The following TMTC2 variants were observed in gnomAD, a reference collection of about 807,000 sequenced individuals.
The protein encoded by TMTC2 is transmembrane O-mannosyltransferase targeting cadherins 2, also known as protein O-mannosyl-transferase TMTC2.
In TMTC2, 43 loss-of-function variants were observed where a neutral mutation model predicts 82.4. That is an observed-to-expected ratio of 0.52 (90% confidence interval 0.41 to 0.67). The LOEUF (loss-of-function observed/expected upper bound fraction) is 0.67. Among genes scored for constraint, TMTC2 ranks in the 30% least tolerant of loss-of-function variants. The probability of loss-of-function intolerance (pLI) is 0.00; values close to 1 mark genes in which losing one functional copy is unlikely to be tolerated. For missense variants in TMTC2, 919 were observed against 1,012.4 expected, an observed-to-expected ratio of 0.91 and a Z score of 1.25; for synonymous variants, 408 against 381.9, an observed-to-expected ratio of 1.07 and a Z score of -0.80.
chr12:82,991,029 T>G (rs578201141), intron 8 of TMTC2, among the ~76,000 whole-genome samples: 1 of 152,324 alleles, frequency 6.6e-6, no homozygotes, highest in Admixed American at 6.5e-5. Context: ...CTTCAGTGCC[T>G]GTGCTTGACA....
intron 8 of TMTC2, among the ~76,000 whole-genome samples, chr12:83,000,870 TC>T (rs1454771816): frequency 6.6e-6 from 1 of 152,156 alleles, no homozygotes; most frequent in Non-Finnish European, 1.5e-5. Flanking sequence ...ATTCTTGACT[TC>T]CGTGCACCTG....
intron 11 of TMTC2, among the ~76,000 whole-genome samples, chr12:83,116,399 C>G (rs1431442606): frequency 6.6e-6 from 1 of 152,196 alleles, no homozygotes; most frequent in Admixed American, 6.5e-5. Flanking sequence ...TGTAAACATG[C>G]ATGTGCAAGT....
chr12:82,909,275 G>A (rs1874492623), intron 3 of TMTC2, among the ~76,000 whole-genome samples: 1 of 152,116 alleles, frequency 6.6e-6, no homozygotes, highest in African/African-American at 2.4e-5. Flanking sequence ...CAGATCTAGT[G>A]TATGCAAGGT....
chr12:82,749,128 C>T (rs757704632), intron 1 of TMTC2, among the ~76,000 whole-genome samples: 7 of 152,222 alleles, frequency 4.6e-5, no homozygotes, highest in Admixed American at 1.3e-4. Context: ...GCTTATTTCA[C>T]GTCAAATATG....
At chr12:83,045,727 G>GCACACACACACACACACACACACACA (rs71068972) in intron 9 of TMTC2, among the ~76,000 whole-genome samples, 1 of 142,452 alleles carries the variant, frequency 7.0e-6, no homozygotes, top group African/African-American at 2.7e-5. Flanking sequence ...ACACACACAC[G>GCACACACACACACACACACACACACA]CACACACACA....
intron 1 of TMTC2, among the ~76,000 whole-genome samples, chr12:82,835,649 C>G (rs1308063657): frequency 2.0e-5 from 3 of 152,116 alleles, no homozygotes; most frequent in African/African-American, 7.2e-5. Context: ...TCTTTGCAAT[C>G]TGATTTTTAT....
At chr12:82,793,911 CT>C (rs1878582629) in intron 1 of TMTC2, among the ~76,000 whole-genome samples, 1 of 152,174 alleles carries the variant, frequency 6.6e-6, no homozygotes, top group South Asian at 2.1e-4. Flanking sequence ...GGCTTATCTA[CT>C]GTATATGCGA....
At chr12:83,007,104 C>A (rs1796145) in intron 8 of TMTC2, among the ~76,000 whole-genome samples, 118,905 of 151,816 alleles carry the variant, frequency 0.78, 47,609 homozygotes, top group South Asian at 0.93. Flanking sequence ...TAGAAAAAAA[C>A]CCAGAAAATT....
At chr12:83,061,083 T>C (rs755590405) in intron 10 of TMTC2, among the ~76,000 whole-genome samples, 6 of 151,486 alleles carry the variant, frequency 4.0e-5, no homozygotes, top group Non-Finnish European at 7.4e-5. Context: ...ACAGGAAGAG[T>C]CTGGCTAGTA....
At chr12:82,820,549 A>AT (rs1310448595) in intron 1 of TMTC2, among the ~76,000 whole-genome samples, 2 of 151,790 alleles carry the variant, frequency 1.3e-5, no homozygotes, top group Non-Finnish European at 2.9e-5. Flanking sequence ...TAATTTTTGT[A>AT]TTTTTAGTGG....
chr12:82,917,384 A>C (rs1385981237), intron 3 of TMTC2, among the ~76,000 whole-genome samples: 2 of 152,078 alleles, frequency 1.3e-5, no homozygotes, highest in Non-Finnish European at 2.9e-5. Flanking sequence ...TCCAAAGTCC[A>C]AGACTTCCAT....
rs531759632 is a variant in TMTC2, at chr12:82,706,482, G to C, written c.83+18813G>C. 9.9e-5 allele frequency among the ~76,000 whole-genome samples: 15 copies of C among 152,196 alleles called. No individual in the cohort carries two copies. In the East Asian group the frequency reaches 2.5e-3, roughly 25 times the overall value. Reference sequence around the variant, plus strand: ...GTTGATAGGAGCCAGATCACCAAGGGCCTGGGGTTCTCTGATAACATTTAA... The same window carrying C: ...GTTGATAGGAGCCAGATCACCAAGGCCCTGGGGTTCTCTGATAACATTTAA... On this transcript the variant is annotated intron_variant, in intron 1 of 11. Transcript: ENST00000321196.
At chr12:82,735,798 C>T (rs1030398295) in intron 1 of TMTC2, among the ~76,000 whole-genome samples, 12 of 151,912 alleles carry the variant, frequency 7.9e-5, no homozygotes, top group African/African-American at 2.7e-4. Context: ...AACCCCGTCT[C>T]TATTAAAAAT....
At chr12:83,010,098 G>C (rs541639845) in intron 8 of TMTC2, among the ~76,000 whole-genome samples, 11 of 152,006 alleles carry the variant, frequency 7.2e-5, no homozygotes, top group Non-Finnish European at 8.8e-5. Flanking sequence ...CATGAACTGG[G>C]ACCTGTCCAT....
chr12:82,885,951 T>C (rs962760075), intron 2 of TMTC2, among the ~76,000 whole-genome samples: 8 of 152,246 alleles, frequency 5.3e-5, no homozygotes, highest in Non-Finnish European at 1.0e-4. Flanking sequence ...GGAGAATATA[T>C]ATAAGTTATT....
chr12:83,080,265 C>T (rs1162587976), intron 11 of TMTC2, among the ~76,000 whole-genome samples: 1 of 152,074 alleles, frequency 6.6e-6, no homozygotes, highest in African/African-American at 2.4e-5. Context: ...ATCTTTTTTA[C>T]ACAGTGATAT....
chr12:82,838,483 C>T (rs1870166117), intron 1 of TMTC2, among the ~76,000 whole-genome samples: 1 of 152,192 alleles, frequency 6.6e-6, no homozygotes, highest in Non-Finnish European at 1.5e-5. Context: ...GAGCTGGATT[C>T]ACAGTTTAAT....
chr12:83,051,448 T>C (rs1012248571), intron 10 of TMTC2, among the ~76,000 whole-genome samples: 1 of 152,138 alleles, frequency 6.6e-6, no homozygotes, highest in African/African-American at 2.4e-5. Context: ...TATGAGTTTT[T>C]AGGACTTTCT....
Position 82,822,118 on chromosome 12 carries a change from A to G in TMTC2, c.84-34892A>G, listed in dbSNP as rs1053015315. Among the ~76,000 whole-genome samples the G allele has an allele frequency of 3.2e-4, 49 of 152,304 alleles. 1 individual carries two copies. Among genetic ancestry groups the G allele is most frequent in the African/African-American group, 1.2e-3 (48 of 41,578 alleles). ...AACTGTATGACATTCTGGAAAAGGG[A>G]AAACTATGGAGGCAGTAAAAGATGA... On this transcript the variant is annotated intron_variant, in intron 1 of 11. Transcript: ENST00000321196.
Sources: gnomAD v4.1 joint callset for allele counts (sites outside exome capture counted in the v4.1 genomes callset) on GRCh38, gnomAD v4.1.1 for gene constraint, MANE v1.5 for transcripts, NCBI Gene and HGNC (gene_info 2026-07-23, HGNC 2026-07-21) for gene names.